Variants in PUDP observed in about 807,000 individuals in gnomAD.
PUDP encodes pseudouridine 5'-phosphatase, also known as pseudouridine-5'-phosphatase.
A neutral mutation model predicts 9.4 loss-of-function variants in PUDP; 8 were observed. That is an observed-to-expected ratio of 0.85 (90% CI 0.50 to 1.53). PUDP has a LOEUF of 1.53. PUDP is among the 40% of genes most tolerant of loss of function. The pLI is 0.00. For synonymous variants in PUDP, 99 were observed against 80.7 expected (o/e 1.23, Z -1.22); for missense variants, 188 against 189.7 (o/e 0.99, Z 0.05).
intron 1 of PUDP, among the ~76,000 whole-genome samples, chrX:7,125,333 A>T (rs1465322679): frequency 1.8e-5 from 2 of 111,936 alleles, no homozygotes; most frequent in Non-Finnish European, 3.8e-5. Flanking sequence ...ATTCTTTTTG[A>T]ATTTTAAGAG....
chrX:7,072,163 A>T (rs1215272921), intron 3 of PUDP, among the ~76,000 whole-genome samples: 3 of 111,897 alleles, frequency 2.7e-5, no homozygotes, highest in Admixed American at 9.5e-5. Flanking sequence ...GGTTGAAATG[A>T]GCCCAGTCTA....
At chrX:6,731,750 A>AGGG (rs1924810476) in intron 3 of PUDP, among the ~76,000 whole-genome samples, 1 of 78,675 alleles carries the variant, frequency 1.3e-5, no homozygotes, top group African/African-American at 5.7e-5. Flanking sequence ...GGAAGGAAGG[A>AGGG]AGGGAGGGAG....
chrX:7,117,142 A>G (rs1443229401), intron 1 of PUDP: 1 of 1,048,519 alleles, frequency 9.5e-7, no homozygotes, highest in African/African-American at 1.9e-5. Context: ...TGGTACCAGA[A>G]GTGGCGTGTT....
At chrX:7,059,639 A>AGTTGTGTTTT (rs779402800) in intron 3 of PUDP, among the ~76,000 whole-genome samples, 203 of 112,109 alleles carry the variant, frequency 1.8e-3, no homozygotes, top group Non-Finnish European at 2.9e-3. Flanking sequence ...TAGAGCAGCA[A>AGTTGTGTTTT]GTTGTGTTTA....
At chrX:6,969,411 A>T (rs1168927821) in intron 3 of PUDP, among the ~76,000 whole-genome samples, 2 of 112,060 alleles carry the variant, frequency 1.8e-5, no homozygotes, top group African/African-American at 6.5e-5. Context: ...ATGTTCCCAC[A>T]TCAGGCCCTG....
intron 1 of PUDP, among the ~76,000 whole-genome samples, chrX:6,988,725 T>G (rs920831995): frequency 9.0e-6 from 1 of 110,795 alleles, no homozygotes; most frequent in African/African-American, 3.3e-5. Flanking sequence ...GGAGGCCTGG[T>G]GAGTTTCTTC....
chrX:6,894,390 C>T (rs1927557735), intron 3 of PUDP, among the ~76,000 whole-genome samples: 1 of 112,187 alleles, frequency 8.9e-6, no homozygotes, highest in African/African-American at 3.2e-5. Context: ...CCACAACCAC[C>T]TCCACAAATA....
At chrX:6,983,805 T>C (rs181794710) in intron 1 of PUDP, among the ~76,000 whole-genome samples, 22 of 112,435 alleles carry the variant, frequency 2.0e-4, no homozygotes, top group African/African-American at 6.8e-4. Flanking sequence ...CCATAGGGCA[T>C]AGGCCAAGTA....
In PUDP at chrX:6,991,240, A is replaced by C. The variant is rs774660580; in HGVS notation, c.205-12897T>G. On this transcript the variant is annotated intron_variant and NMD_transcript_variant, in intron 1 of 3. Coordinates refer to the PUDP transcript ENST00000655425. Reference sequence around the variant, plus strand: ...ACAAACATACTATATTTGTATCTCAATCACTTGCACTTGAGTCTCTTTTAA... The same window carrying C: ...ACAAACATACTATATTTGTATCTCACTCACTTGCACTTGAGTCTCTTTTAA... Among the ~76,000 whole-genome samples the C allele has an allele frequency of 2.7e-5, 3 of 111,418 alleles. No individual in the cohort carries two copies. The South Asian group carries it at 1.1e-3, about 42-fold the overall frequency.
chrX:6,948,962 G>A (rs1037953281), intron 3 of PUDP, among the ~76,000 whole-genome samples: 2 of 112,169 alleles, frequency 1.8e-5, no homozygotes, highest in African/African-American at 3.2e-5. Flanking sequence ...AGCTGTGTTC[G>A]CAATGGGGGC....
chrX:7,069,409 G>A (rs765560175), intron 3 of PUDP, among the ~76,000 whole-genome samples: 1 of 111,016 alleles, frequency 9.0e-6, no homozygotes, highest in South Asian at 3.9e-4. Flanking sequence ...GGCTACTCGG[G>A]CTGGATAAAG....
intron 3 of PUDP, among the ~76,000 whole-genome samples, chrX:6,752,266 T>G (rs1211654896): frequency 8.9e-6 from 1 of 111,737 alleles, no homozygotes; most frequent in Non-Finnish European, 1.9e-5. Flanking sequence ...TCCTCCTTTT[T>G]CTGATCAACC....
At chrX:6,758,499 A>C (rs747497722) in intron 3 of PUDP, among the ~76,000 whole-genome samples, 1 of 111,894 alleles carries the variant, frequency 8.9e-6, no homozygotes, top group South Asian at 3.8e-4. Flanking sequence ...CATTGAAAAG[A>C]AGCTCATCCT....
chrX:6,965,602 G>T (rs898258035), intron 3 of PUDP, among the ~76,000 whole-genome samples: 1 of 111,788 alleles, frequency 8.9e-6, no homozygotes, highest in Non-Finnish European at 1.9e-5. Context: ...ATGCTAAAGA[G>T]CAAAGCCAGC....
chrX:6,786,606 T>G (rs1027984774), intron 3 of PUDP, among the ~76,000 whole-genome samples: 4 of 111,948 alleles, frequency 3.6e-5, no homozygotes, highest in African/African-American at 1.3e-4. Context: ...ACCTTGAGTC[T>G]TTGTATTTTC....
intron 3 of PUDP, among the ~76,000 whole-genome samples, chrX:6,778,501 A>G (rs746547976): frequency 9.8e-5 from 11 of 112,488 alleles, no homozygotes; most frequent in African/African-American, 3.5e-4. Flanking sequence ...CCTGCATGTC[A>G]CCTGCAGCCT....
intron 1 of PUDP, among the ~76,000 whole-genome samples, chrX:7,134,764 A>C (rs1324337946): frequency 2.7e-5 from 3 of 112,341 alleles, no homozygotes; most frequent in Admixed American, 9.5e-5. Context: ...AAGATAAACG[A>C]GGCAAATAAG....
chrX:6,966,088 A>G (rs552026102), intron 3 of PUDP, among the ~76,000 whole-genome samples: 3 of 111,542 alleles, frequency 2.7e-5, no homozygotes, highest in African/African-American at 6.5e-5. Flanking sequence ...GTCCCACAGA[A>G]TCAGAATCTG....
At chrX:6,746,572 C>G (rs1027243438) in intron 3 of PUDP, among the ~76,000 whole-genome samples, 1 of 110,517 alleles carries the variant, frequency 9.0e-6, no homozygotes, top group Admixed American at 9.7e-5. Context: ...TCCCCCCACC[C>G]CATCCCCCAA....
Sources: gnomAD v4.1 joint callset for allele counts (sites outside exome capture counted in the v4.1 genomes callset) on GRCh38, gnomAD v4.1.1 for gene constraint, MANE v1.5 for transcripts, NCBI Gene and HGNC (gene_info 2026-07-23, HGNC 2026-07-21) for gene names.